The following ZCWPW2 variants were observed in gnomAD, a reference collection of about 807,000 sequenced individuals.
ZCWPW2 encodes the protein zinc finger CW-type and PWWP domain containing 2.
Under a neutral mutation model 46.6 loss-of-function variants are expected in ZCWPW2, and 45 were observed. The ratio of observed to expected loss-of-function variants is 0.96; its 90% CI spans 0.76 to 1.24. The LOEUF is 1.24. Ranked by LOEUF, ZCWPW2 falls within the 50% of genes most tolerant of loss-of-function variation. The probability of loss-of-function intolerance (pLI) is 0.00; values close to 1 mark genes in which losing one functional copy is unlikely to be tolerated. For synonymous variants in ZCWPW2, 152 were observed against 137.1 expected, an observed-to-expected ratio of 1.11 and a Z score of -0.76; for missense variants, 429 against 403.9, an observed-to-expected ratio of 1.06 and a Z score of -0.53.
intron 1 of ZCWPW2, among the ~76,000 whole-genome samples, chr3:28,363,278 A>T (rs1272607761): frequency 6.6e-6 from 1 of 152,186 alleles, no homozygotes; most frequent in Non-Finnish European, 1.5e-5. Flanking sequence ...ACTTTATTTA[A>T]TAATAACGCA....
At chr3:28,379,852 A>G (rs1705617067) in intron 1 of ZCWPW2, among the ~76,000 whole-genome samples, 1 of 152,228 alleles carries the variant, frequency 6.6e-6, no homozygotes, top group Non-Finnish European at 1.5e-5. Flanking sequence ...GTTTCTTAGA[A>G]GGTGGCTTTC....
intron 4 of ZCWPW2, among the ~76,000 whole-genome samples, chr3:28,454,318 T>C (rs765241133): frequency 1.8e-4 from 27 of 152,192 alleles, no homozygotes; most frequent in Non-Finnish European, 3.5e-4. Context: ...TGTCCTAGCA[T>C]TTTTAAAAAT....
intron 1 of ZCWPW2, among the ~76,000 whole-genome samples, chr3:28,352,854 AT>A (rs1042990668): frequency 2.0e-5 from 3 of 151,922 alleles, no homozygotes; most frequent in South Asian, 4.1e-4. Flanking sequence ...GGTCCTGTCC[AT>A]TTTTTTTATG....
intron 3 of ZCWPW2, among the ~76,000 whole-genome samples, chr3:28,420,921 G>T (rs997343088): frequency 1.3e-5 from 2 of 152,024 alleles, no homozygotes; most frequent in African/African-American, 2.4e-5. Flanking sequence ...TATTCATGCT[G>T]TATTGAAAGT....
At chr3:28,439,474 G>A (rs1316078106) in intron 4 of ZCWPW2, among the ~76,000 whole-genome samples, 9 of 151,992 alleles carry the variant, frequency 5.9e-5, no homozygotes, top group African/African-American at 1.9e-4. Context: ...ATCTCCTTTG[G>A]CAACACCCTC....
chr3:28,360,227 C>G (rs1314927766), intron 1 of ZCWPW2, among the ~76,000 whole-genome samples: 1 of 151,480 alleles, frequency 6.6e-6, no homozygotes, highest in Non-Finnish European at 1.5e-5. Context: ...CAATTCTGGC[C>G]GGGCGCGGTG....
At chr3:28,427,209 C>T (rs190854029) in intron 3 of ZCWPW2, among the ~76,000 whole-genome samples, 164 of 152,206 alleles carry the variant, frequency 1.1e-3, no homozygotes, top group African/African-American at 3.7e-3. Flanking sequence ...ATTTCTCATC[C>T]GAGTAAAAGG....
intron 1 of ZCWPW2, among the ~76,000 whole-genome samples, chr3:28,378,884 C>T (rs529682055): frequency 6.6e-6 from 1 of 152,152 alleles, no homozygotes; most frequent in Admixed American, 6.5e-5. Flanking sequence ...AACTATAATA[C>T]AATGTGTTAA....
intron 1 of ZCWPW2, among the ~76,000 whole-genome samples, chr3:28,386,130 A>G (rs1046993714): frequency 1.3e-5 from 2 of 152,132 alleles, no homozygotes; most frequent in Non-Finnish European, 2.9e-5. Context: ...CAGTATGGCT[A>G]AATTTGGGGT....
chr3:28,454,687 G>A (rs538479787), intron 4 of ZCWPW2, among the ~76,000 whole-genome samples: 1 of 152,090 alleles, frequency 6.6e-6, no homozygotes, highest in African/African-American at 2.4e-5. Flanking sequence ...CTCCCCTTGT[G>A]TCTATTTGGT....
intron 4 of ZCWPW2, among the ~76,000 whole-genome samples, chr3:28,472,688 A>G (rs1699082503): frequency 6.6e-6 from 1 of 152,200 alleles, no homozygotes; most frequent in South Asian, 2.1e-4. Flanking sequence ...AATATACCCC[A>G]CAAGCACAGG....
At chr3:28,450,197 A>G (rs1389218293) in intron 4 of ZCWPW2, among the ~76,000 whole-genome samples, 2 of 152,274 alleles carry the variant, frequency 1.3e-5, no homozygotes, top group East Asian at 1.9e-4. Flanking sequence ...TTTTATCCCT[A>G]CTAGTGTAGT....
intron 3 of ZCWPW2, among the ~76,000 whole-genome samples, chr3:28,420,999 T>C (rs1696759375): frequency 6.6e-6 from 1 of 152,194 alleles, no homozygotes. Context: ...TTATATTTCC[T>C]ATTTATTTAC....
chr3:28,432,485 A>G (rs1697302384), intron 3 of ZCWPW2, among the ~76,000 whole-genome samples: 1 of 152,102 alleles, frequency 6.6e-6, no homozygotes, highest in African/African-American at 2.4e-5. Context: ...ACTCGATCAT[A>G]TTTCTACTGT....
intron 5 of ZCWPW2, among the ~76,000 whole-genome samples, chr3:28,487,159 G>A (rs1446038707): frequency 1.3e-5 from 2 of 151,836 alleles, no homozygotes; most frequent in Non-Finnish European, 2.9e-5. Context: ...TATTAATTTG[G>A]GGGAAATTAT....
At chr3:28,459,292 C>A (rs780433523) in intron 4 of ZCWPW2, among the ~76,000 whole-genome samples, 19 of 151,998 alleles carry the variant, frequency 1.3e-4, no homozygotes, top group Admixed American at 2.6e-4. Context: ...ATGGCGTGAA[C>A]CCGGGAGGCG....
chr3:28,417,181 A>T lies in ZCWPW2; in HGVS notation c.332+3781A>T, dbSNP rs190467458. On this transcript the variant is annotated intron_variant, in intron 3 of 9. Transcript: ENST00000383768. ...AAATAAAGAAGAAAAGACAAAGGGG[A>T]TATCACCACTGATCCCACAGAAATA... is the stretch of plus-strand genomic sequence containing the variant. Among the ~76,000 whole-genome samples, 267 of 152,016 alleles carry T rather than the reference A, an allele frequency of 1.8e-3. 1 individual carries two copies. The highest frequency in any genetic ancestry group is 6.3e-3 in the African/African-American group (261 of 41,480).
At position 28,478,915 on chromosome 3, in the gene ZCWPW2, C is replaced by A; in HGVS notation, c.594C>A (p.Cys198Ter). The part of the protein sequence containing the change: ...YSHEQRLEMC[C>*]LSKLQDKSET... ...ATGAGCAAAGACTGGAAATGTGCTGCCTATCAAAACTACAAGGTGTATAAA... is the reference window on the plus strand; with the variant it reads ...ATGAGCAAAGACTGGAAATGTGCTGACTATCAAAACTACAAGGTGTATAAA... Residue 198 changes from cysteine (C) to a stop codon, truncating the protein, a stop_gained, in exon 5 of 10, where the codon TGC (cysteine) becomes TGA (stop). Transcript: ENST00000383768. LOFTEE classifies it high-confidence loss of function. 1 of 1,577,558 alleles carries A rather than the reference C, an allele frequency of 6.3e-7. No individual in the cohort carries two copies. Among genetic ancestry groups the A allele is most frequent in the Non-Finnish European group, 8.6e-7 (1 of 1,164,912 alleles).
In ZCWPW2 at chr3:28,413,029, G is replaced by A. The variant is rs556312629; in HGVS notation, c.-13-27G>A. ...CCTTATACTCTTGAATCCTCATTCTGTTATTTTCCTCTTTCTTATTTTCCA... is the reference window on the plus strand; with the variant it reads ...CCTTATACTCTTGAATCCTCATTCTATTATTTTCCTCTTTCTTATTTTCCA... On this transcript the variant is annotated intron_variant, in intron 2 of 9. Coordinates refer to ENST00000383768, the MANE Select transcript of ZCWPW2 (RefSeq NM_001040432.4). The A allele has an allele frequency of 1.6e-5, 24 of 1,546,106 alleles. No individual in the cohort carries two copies. The South Asian group carries it at 2.9e-4, about 19-fold the overall frequency.
Sources: gnomAD v4.1 joint callset for allele counts (sites outside exome capture counted in the v4.1 genomes callset) on GRCh38, gnomAD v4.1.1 for gene constraint, MANE v1.5 for transcripts, NCBI Gene and HGNC (gene_info 2026-07-23, HGNC 2026-07-21) for gene names.